Variants in SLC2A12 observed in about 807,000 individuals in gnomAD.
SLC2A12 encodes the protein solute carrier family 2, facilitated glucose transporter member 12.
Under a neutral mutation model 41.8 loss-of-function variants are expected in SLC2A12, and 23 were observed. The ratio of observed to expected loss-of-function variants is 0.55; its 90% CI spans 0.40 to 0.78. The LOEUF (loss-of-function observed/expected upper bound fraction) is 0.78. SLC2A12 is among the 30% of genes least tolerant of loss of function. The pLI is 0.00. For synonymous variants in SLC2A12, 295 were observed against 285.9 expected, an observed-to-expected ratio of 1.03 and a Z score of -0.32; for missense variants, 654 against 745.6, an observed-to-expected ratio of 0.88 and a Z score of 1.43.
intron 2 of SLC2A12, among the ~76,000 whole-genome samples, chr6:134,017,811 G>A (rs191906821): frequency 2.7e-4 from 41 of 150,860 alleles, no homozygotes; most frequent in African/African-American, 6.3e-4. Context: ...CCGAGATCGC[G>A]CCACTGCACT....
chr6:134,022,530 TC>T (rs1406601971), intron 2 of SLC2A12, among the ~76,000 whole-genome samples: 1 of 121,606 alleles, frequency 8.2e-6, no homozygotes, highest in East Asian at 2.5e-4. Flanking sequence ...AAACTCCATC[TC>T]AAAAAAGAAA....
At chr6:133,991,347 AGTTT>A (rs1167792774) in intron 4 of SLC2A12, 39 bp from the exon 5 acceptor site, 1 of 1,595,640 alleles carries the variant, frequency 6.3e-7, no homozygotes. Context: ...TGTCATTCTT[AGTTT>A]ACATGAAAAA....
chr6:134,012,044 A>G (rs1025007341), intron 2 of SLC2A12, among the ~76,000 whole-genome samples: 1 of 152,164 alleles, frequency 6.6e-6, no homozygotes, highest in Non-Finnish European at 1.5e-5. Context: ...TGCCTCCCCC[A>G]AAATAAATAA....
intron 1 of SLC2A12, among the ~76,000 whole-genome samples, chr6:134,032,427 T>TG (rs1777223900): frequency 4.0e-5 from 1 of 24,946 alleles, no homozygotes; most frequent in African/African-American, 2.1e-4. Flanking sequence ...TATATATATT[T>TG]ATATATATAT....
Position 133,990,895 on chromosome 6 carries a change from A to G in SLC2A12, c.*260T>C. On this transcript the variant is annotated 3_prime_UTR_variant, in exon 5 of 5. Coordinates refer to ENST00000275230, the MANE Select transcript of SLC2A12 (RefSeq NM_145176.3). ...CTGTGAAGAAGGTAGAAAGTATTAA[A>G]CCAGCCAGTAACTTTTTTTTTTTAA... The G allele has an allele frequency of 5.6e-6, 2 of 358,012 alleles. No individual in the cohort carries two copies. Among genetic ancestry groups the G allele is most frequent in the East Asian group, 4.4e-5 (1 of 22,516 alleles). 22.2% of individuals were successfully genotyped at this position (358,012 alleles called of 1,614,324 possible).
chr6:134,037,616 G>T (rs532895387), intron 1 of SLC2A12, among the ~76,000 whole-genome samples: 1 of 152,076 alleles, frequency 6.6e-6, no homozygotes, highest in African/African-American at 2.4e-5. Context: ...GCATCCCAAA[G>T]TGGGATTACA....
At chr6:134,044,193 ACATGTATAATATCAAG>A (rs1777423641) in intron 1 of SLC2A12, among the ~76,000 whole-genome samples, 1 of 152,142 alleles carries the variant, frequency 6.6e-6, no homozygotes, top group Non-Finnish European at 1.5e-5. Flanking sequence ...TACACATAAT[ACATGTATAATATCAAG>A]CCATCTCCTC....
At chr6:134,006,965 A>G (rs1008953410) in intron 2 of SLC2A12, 31 bp from the exon 3 acceptor site, 22 of 1,612,562 alleles carry the variant, frequency 1.4e-5, no homozygotes, top group Non-Finnish European at 1.9e-5. Flanking sequence ...GGTGGCGGAC[A>G]GCACATTTAG....
Position 134,028,691 on chromosome 6 carries a change from G to C in SLC2A12, c.1134C>G (p.Ser378Arg). The change falls in exon 2 of 5, where the codon AGC (serine) becomes AGG (arginine). Residue 378 changes from serine (S) to arginine (R), a missense_variant. Transcript: ENST00000275230. ...CCAAGGACTGGTTGATAGAATTGTG[G>C]CTTCTGCAGATATGGGTGAAGTTCA... ...IHMNFTHICR[S>R]HNSINQSLDE... is the part of the protein sequence containing the mutation. 2 of 1,614,186 alleles carry C rather than the reference G, an allele frequency of 1.2e-6. No homozygotes were observed. The highest frequency in any genetic ancestry group is 1.7e-6 in the Non-Finnish European group (2 of 1,180,038).
chr6:134,000,371 T>C (rs1776740871), intron 4 of SLC2A12, among the ~76,000 whole-genome samples: 1 of 152,206 alleles, frequency 6.6e-6, no homozygotes, highest in African/African-American at 2.4e-5. Flanking sequence ...AAGCCAGGAT[T>C]AATGGTTAGT....
At chr6:134,019,519 T>C in intron 2 of SLC2A12, among the ~76,000 whole-genome samples, 1 of 152,192 alleles carries the variant, frequency 6.6e-6, no homozygotes, top group East Asian at 1.9e-4. Context: ...AGGTAAGATT[T>C]TGAACATATT....
At chr6:133,991,350 T>C in intron 4 of SLC2A12, 42 bp from the exon 5 acceptor site, 1 of 1,591,142 alleles carries the variant, frequency 6.3e-7, no homozygotes. Flanking sequence ...CATTCTTAGT[T>C]TACATGAAAA....
Position 134,028,646 on chromosome 6 carries a change from T to G in SLC2A12, c.1179A>C (p.Gly393=), listed in dbSNP as rs763019872. 1 of 1,614,224 alleles carries G rather than the reference T, an allele frequency of 6.2e-7. No homozygotes were observed. Among genetic ancestry groups the G allele is most frequent in the Admixed American group, 1.7e-5 (1 of 60,022 alleles). ...NQSLDESVIY[G]PGNLSTNNNT... Reference sequence around the variant, plus strand: ...TGTTGTTGGTTGACAGGTTTCCTGGTCCATAAATCACAGACTCATCCAAGG... The same window carrying G: ...TGTTGTTGGTTGACAGGTTTCCTGGGCCATAAATCACAGACTCATCCAAGG... Residue 393 remains glycine (G), a synonymous_variant, in exon 2 of 5, where the codon GGA becomes GGC. Coordinates refer to ENST00000275230, the MANE Select transcript of SLC2A12 (RefSeq NM_145176.3).
intron 2 of SLC2A12, 122 bp downstream of exon 2, chr6:134,028,259 A>G: frequency 7.7e-7 from 1 of 1,292,860 alleles, no homozygotes. Flanking sequence ...TCTGCATTAG[A>G]AGGAACATCA....
chr6:134,004,370 A>G (rs1776786224), intron 3 of SLC2A12, among the ~76,000 whole-genome samples: 1 of 152,300 alleles, frequency 6.6e-6, no homozygotes, highest in Non-Finnish European at 1.5e-5. Context: ...AAAATTTTAT[A>G]TAAAAACCCA....
At chr6:134,007,313 G>C (rs557053015) in intron 2 of SLC2A12, among the ~76,000 whole-genome samples, 4 of 152,230 alleles carry the variant, frequency 2.6e-5, no homozygotes, top group African/African-American at 9.6e-5. Flanking sequence ...CAGTGCCAGA[G>C]CCCAGGTGTA....
intron 4 of SLC2A12, among the ~76,000 whole-genome samples, chr6:133,997,085 CAAAAAAAAAAA>C (rs58295985): frequency 4.2e-5 from 3 of 70,716 alleles, no homozygotes; most frequent in African/African-American, 1.7e-4. Context: ...ACTAAAAATA[CAAAAAAAAAAA>C]AAAAAAAAAA....
At chr6:134,022,670 G>C (rs1224311219) in intron 2 of SLC2A12, among the ~76,000 whole-genome samples, 1 of 152,230 alleles carries the variant, frequency 6.6e-6, no homozygotes, top group Non-Finnish European at 1.5e-5. Context: ...TGGAAGAAAA[G>C]AGGAAAGCTT....
rs1324450570 is a variant in SLC2A12, at chr6:134,038,676, T to C, written c.104-8955A>G. Among the ~76,000 whole-genome samples, 9 of 149,508 alleles carry C rather than the reference T, an allele frequency of 6.0e-5. 1 individual carries two copies. In the East Asian group the frequency reaches 1.8e-3, roughly 29 times the overall value. ...GCACCTGGCTTCTTTCTGCTCTTCCTTTTATCCTTTCTTCCTTTCTTTCCT... is the reference window on the plus strand; with the variant it reads ...GCACCTGGCTTCTTTCTGCTCTTCCCTTTATCCTTTCTTCCTTTCTTTCCT... On this transcript the variant is annotated intron_variant, in intron 1 of 4. Transcript: ENST00000275230.
Sources: gnomAD v4.1 joint callset for allele counts (sites outside exome capture counted in the v4.1 genomes callset) on GRCh38, gnomAD v4.1.1 for gene constraint, MANE v1.5 for transcripts, NCBI Gene and HGNC (gene_info 2026-07-23, HGNC 2026-07-21) for gene names.